The following NRG1 variants were observed in gnomAD, a reference collection of about 807,000 sequenced individuals.
NRG1 encodes the protein pro-neuregulin-1, membrane-bound isoform.
NRG1 carries 18 observed loss-of-function variants against 63.8 expected under a neutral mutation model. The observed-to-expected ratio is 0.28, with a 90% CI of 0.19 to 0.42. The LOEUF (loss-of-function observed/expected upper bound fraction) is 0.42. NRG1 is among the 10% of genes least tolerant of loss of function. The pLI, the probability that NRG1 is intolerant of heterozygous loss-of-function variation, is 1.00. For missense variants in NRG1, 762 were observed against 814.7 expected, an observed-to-expected ratio of 0.94 and a Z score of 0.79; for synonymous variants, 302 against 301.3, an observed-to-expected ratio of 1.00 and a Z score of -0.02.
At chr8:32,751,413 G>GA (rs746002774) in intron 7 of NRG1, among the ~76,000 whole-genome samples, 16 of 152,088 alleles carry the variant, frequency 1.1e-4, no homozygotes, top group Non-Finnish European at 2.2e-4. Context: ...ACAGACTCTT[G>GA]TTTTTAGCCC....
intron 1 of NRG1, among the ~76,000 whole-genome samples, chr8:32,339,502 A>C (rs1289495161): frequency 6.6e-6 from 1 of 152,192 alleles, no homozygotes; most frequent in Non-Finnish European, 1.5e-5. Context: ...AAACATCCAG[A>C]AAGTTGTGTG....
At chr8:32,507,206 G>A (rs1828642286) in intron 1 of NRG1, among the ~76,000 whole-genome samples, 1 of 152,174 alleles carries the variant, frequency 6.6e-6, no homozygotes, top group South Asian at 2.1e-4. Flanking sequence ...ATAGTTGTAA[G>A]AGCGAGCAAG....
chr8:31,733,225 A>G (rs1463867533), intron 1 of NRG1, among the ~76,000 whole-genome samples: 2 of 150,336 alleles, frequency 1.3e-5, no homozygotes, highest in East Asian at 3.9e-4. Context: ...GCACTGATGG[A>G]CACTTAGGTT....
In NRG1 at chr8:32,237,127, T is replaced by A. The variant is rs116204025; in HGVS notation, c.38-358701T>A. On this transcript the variant is annotated intron_variant, in intron 1 of 10. Transcript: ENST00000519301. ...TCAGGTGCAGGAGAAGTAGACTACATACATTATTTGTTGTCTATCTTTGAA... is the reference window on the plus strand; with the variant it reads ...TCAGGTGCAGGAGAAGTAGACTACAAACATTATTTGTTGTCTATCTTTGAA... 4.7e-3 allele frequency among the ~76,000 whole-genome samples: 718 copies of A among 152,348 alleles called. 3 individuals carry two copies. The highest frequency in any genetic ancestry group is 0.023 in the South Asian group (113 of 4,824).
At chr8:32,345,339 C>T (rs766274021) in intron 1 of NRG1, among the ~76,000 whole-genome samples, 3 of 152,116 alleles carry the variant, frequency 2.0e-5, no homozygotes, top group Non-Finnish European at 4.4e-5. Context: ...TAGACTGATC[C>T]ACAGAGGACT....
At chr8:31,946,721 C>T (rs1802605500) in intron 1 of NRG1, among the ~76,000 whole-genome samples, 2 of 152,152 alleles carry the variant, frequency 1.3e-5, no homozygotes, top group South Asian at 4.1e-4. Flanking sequence ...GAGGATACTG[C>T]CTGTGCCTGA....
chr8:32,561,990 G>C (rs557210916), intron 1 of NRG1, among the ~76,000 whole-genome samples: 3 of 152,248 alleles, frequency 2.0e-5, no homozygotes, highest in African/African-American at 7.2e-5. Flanking sequence ...GTTCTGGTCT[G>C]GGCCTCACAT....
intron 1 of NRG1, among the ~76,000 whole-genome samples, chr8:31,771,345 A>G (rs1038750279): frequency 1.3e-5 from 2 of 152,192 alleles, no homozygotes; most frequent in African/African-American, 4.8e-5. Flanking sequence ...TATTTTATGG[A>G]TGTAACACAG....
intron 1 of NRG1, among the ~76,000 whole-genome samples, chr8:31,948,491 T>A (rs1449977982): frequency 6.6e-6 from 1 of 152,256 alleles, no homozygotes; most frequent in Non-Finnish European, 1.5e-5. Context: ...TTGGCAGGCA[T>A]TTTCTCTCCT....
intron 1 of NRG1, among the ~76,000 whole-genome samples, chr8:32,550,106 CAG>C (rs773571908): frequency 3.2e-4 from 48 of 152,294 alleles, no homozygotes; most frequent in Non-Finnish European, 6.5e-4. Flanking sequence ...AGACCTTCAG[CAG>C]AGTTTTGAGC....
At position 32,201,036 on chromosome 8, in the gene NRG1, CCTTT is replaced by C. The variant is rs1418945350; in HGVS notation, c.38-394788_38-394785del. Among the ~76,000 whole-genome samples the C allele has an allele frequency of 3.3e-5, 5 of 152,122 alleles. No individual in the cohort carries two copies. In the East Asian group the frequency reaches 9.6e-4, roughly 29 times the overall value. ...GAAACGGCTTTCTTTGAATTCTGAG[CCTTT>C]CTTAGGTATATTTCAGGCCAACTTA... On this transcript the variant is annotated intron_variant, in intron 1 of 10. Transcript: ENST00000519301.
chr8:32,534,839 T>G (rs1277111263), intron 1 of NRG1, among the ~76,000 whole-genome samples: 1 of 152,172 alleles, frequency 6.6e-6, no homozygotes, highest in Non-Finnish European at 1.5e-5. Context: ...ACTTTGGCTG[T>G]GGGCTGAGTT....
At chr8:32,747,318 A>G (rs1229531798) in intron 7 of NRG1, among the ~76,000 whole-genome samples, 2 of 152,086 alleles carry the variant, frequency 1.3e-5, no homozygotes, top group Admixed American at 6.5e-5. Flanking sequence ...TAGGAGAAAA[A>G]GGCAAGGGAA....
At chr8:31,717,128 C>T (rs114919320) in intron 1 of NRG1, among the ~76,000 whole-genome samples, 3,985 of 152,134 alleles carry the variant, frequency 0.026, 187 homozygotes, top group African/African-American at 0.091. Flanking sequence ...GGATTTTCAC[C>T]GGGTGCAGTG....
chr8:32,173,823 G>A (rs958678147), intron 1 of NRG1, among the ~76,000 whole-genome samples: 1 of 152,144 alleles, frequency 6.6e-6, no homozygotes, highest in Non-Finnish European at 1.5e-5. Flanking sequence ...CAATACAGGA[G>A]CACCCAGATT....
chr8:32,642,015 A>G (rs551681321), intron 5 of NRG1, among the ~76,000 whole-genome samples: 1 of 152,354 alleles, frequency 6.6e-6, no homozygotes, highest in East Asian at 1.9e-4. Context: ...TTTTCCCTCC[A>G]CTGATAGGAT....
chr8:31,666,821 G>A (rs577644593), intron 1 of NRG1, among the ~76,000 whole-genome samples: 1 of 152,172 alleles, frequency 6.6e-6, no homozygotes, highest in Non-Finnish European at 1.5e-5. Context: ...GGCATTTCTG[G>A]CAGGTATGAG....
chr8:32,429,265 G>T (rs118160615), intron 1 of NRG1, among the ~76,000 whole-genome samples: 10 of 152,182 alleles, frequency 6.6e-5, no homozygotes, highest in Non-Finnish European at 1.5e-4. Context: ...GGAGAATTAG[G>T]CCAGAAGCAA....
intron 1 of NRG1, among the ~76,000 whole-genome samples, chr8:31,753,901 A>C (rs1349700185): frequency 6.6e-6 from 1 of 152,130 alleles, no homozygotes; most frequent in Non-Finnish European, 1.5e-5. Flanking sequence ...ATGACCAGGT[A>C]TGAGCAGTGT....
Sources: gnomAD v4.1 joint callset for allele counts (sites outside exome capture counted in the v4.1 genomes callset) on GRCh38, gnomAD v4.1.1 for gene constraint, MANE v1.5 for transcripts, NCBI Gene and HGNC (gene_info 2026-07-23, HGNC 2026-07-21) for gene names.